STAT5B: variants seen among roughly 807,000 people sequenced by gnomAD.
The protein encoded by STAT5B is signal transducer and activator of transcription 5B.
Under a neutral mutation model 107.8 loss-of-function variants are expected in STAT5B, and 21 were observed. The ratio of observed to expected loss-of-function variants is 0.19; its 90% CI spans 0.14 to 0.28. The LOEUF is 0.28. Among genes scored for constraint, STAT5B ranks in the 10% least tolerant of loss-of-function variants. The probability of loss-of-function intolerance (pLI) is 1.00; values close to 1 mark genes in which losing one functional copy is unlikely to be tolerated. For synonymous variants in STAT5B, 325 were observed against 401.7 expected (o/e 0.81, Z 2.28); for missense variants, 565 against 1,008.2 (o/e 0.56, Z 5.95).
At chr17:42,241,494 G>A (rs906446566) in intron 1 of STAT5B, among the ~76,000 whole-genome samples, 16 of 150,918 alleles carry the variant, frequency 1.1e-4, no homozygotes, top group African/African-American at 3.7e-4. Context: ...CCAGGCTGGA[G>A]TGCAGTGGCA....
chr17:42,200,821 G>C lies in STAT5B; in HGVS notation c.*917C>G, dbSNP rs1332772876. On this transcript the variant is annotated 3_prime_UTR_variant, in exon 19 of 19. Coordinates refer to ENST00000293328, the MANE Select transcript of STAT5B (RefSeq NM_012448.4). ...AAGGCCACGGACTGTGCATCCGCTG[G>C]CTCAGAGAAAGGCTGGGCAGCCGGA... is the stretch of plus-strand genomic sequence containing the variant. 1 of 371,008 alleles carries C rather than the reference G, an allele frequency of 2.7e-6. No homozygotes were observed. The highest frequency in any genetic ancestry group is 4.8e-6 in the Non-Finnish European group (1 of 209,046). The allele number at this position is 371,008 out of a possible 1,614,324, so 23.0% of individuals were successfully genotyped here.
intron 16 of STAT5B, among the ~76,000 whole-genome samples, chr17:42,207,114 C>T (rs1270915320): frequency 6.6e-6 from 1 of 152,026 alleles, no homozygotes; most frequent in African/African-American, 2.4e-5. Context: ...CTCAAATGAT[C>T]CGCCTGCCTT....
Position 42,207,673 on chromosome 17 carries a change from C to A in STAT5B, c.1962G>T (p.Arg654=), listed in dbSNP as rs1432083758. The A allele has an allele frequency of 6.2e-7, 1 of 1,614,090 alleles. No individual in the cohort carries two copies. The highest frequency in any genetic ancestry group is 2.2e-5 in the East Asian group (1 of 44,880). The change falls in exon 16 of 19, where the codon CGG becomes CGT. Residue 654 remains arginine, a synonymous_variant. Transcript: ENST00000293328. ...MPFTTRDFSI[R]SLADRLGDLN... ...AGTCTCCCAAGCGGTCGGCTAGGGACCGAATGGAGAAGTCTCTGGTGGTAA... is the reference window on the plus strand; with the variant it reads ...AGTCTCCCAAGCGGTCGGCTAGGGAACGAATGGAGAAGTCTCTGGTGGTAA...
intron 2 of STAT5B, among the ~76,000 whole-genome samples, chr17:42,229,461 C>T (rs986008406): frequency 1.3e-5 from 2 of 151,588 alleles, no homozygotes; most frequent in African/African-American, 4.8e-5. Flanking sequence ...GGAGCCCACT[C>T]TTAAAAGGAT....
Position 42,201,189 on chromosome 17 carries a change from G to A in STAT5B, c.*549C>T, listed in dbSNP as rs535021090. 8 of 415,006 alleles carry A rather than the reference G, an allele frequency of 1.9e-5. No individual in the cohort carries two copies. The highest frequency in any genetic ancestry group is 9.9e-5 in the South Asian group (1 of 10,110). The allele number at this position is 415,006 out of a possible 1,614,324, so 25.7% of individuals were successfully genotyped here. A position where few individuals can be genotyped will look rare whatever the true frequency, so the allele number is the denominator to read the frequency against. ...CATTCCTACCCAAGAACACAGGGGT[G>A]GGGGAGAGGGAAGGCTCTCTTTGTC... On this transcript the variant is annotated 3_prime_UTR_variant, in exon 19 of 19. Coordinates refer to ENST00000293328, the MANE Select transcript of STAT5B (RefSeq NM_012448.4).
Position 42,218,165 on chromosome 17 carries a change from G to C in STAT5B, c.1155C>G (p.Asn385Lys). The change falls in exon 9 of 19, where the codon AAC becomes AAG. Residue 385 changes from asparagine to lysine, a missense_variant. Asn to Lys is a moderately conservative substitution (Grantham distance 94). Coordinates refer to ENST00000293328, the MANE Select transcript of STAT5B (RefSeq NM_012448.4). ...SEQQAKSLLK[N>K]ENTRNDYSGE... ...TGCACAATTACTTGCGGGTGTTCTCGTTCTTGAGCAGAGACTTGGCCTGCT... is the reference window on the plus strand; with the variant it reads ...TGCACAATTACTTGCGGGTGTTCTCCTTCTTGAGCAGAGACTTGGCCTGCT... 6.2e-7 allele frequency: 1 copy of C among 1,614,120 alleles called. No individual in the cohort carries two copies. The highest frequency in any genetic ancestry group is 8.5e-7 in the Non-Finnish European group (1 of 1,180,012).
chr17:42,207,632 T>C lies in STAT5B; in HGVS notation c.2003A>G (p.Tyr668Cys). ...DRLGDLNYLI[Y>C]VFPDRPKDEV... The stretch of plus-strand genomic sequence containing the variant: ...ATCTTTTGGCCGATCAGGAAACACG[T>C]AGATAAGGTAATTCAAGTCTCCCAA... The change falls in exon 16 of 19, where the codon TAC becomes TGC. Residue 668 changes from tyrosine to cysteine, a missense_variant. This residue lies in a region of STAT5B where 38 missense variants were observed against 79.5 expected (regional missense o/e 0.48). Coordinates refer to ENST00000293328, the MANE Select transcript of STAT5B (RefSeq NM_012448.4). The C allele has an allele frequency of 6.2e-7, 1 of 1,613,994 alleles. No homozygotes were observed. Among genetic ancestry groups the C allele is most frequent in the Non-Finnish European group, 8.5e-7 (1 of 1,180,004 alleles).
At chr17:42,277,719 T>C (rs2045911486), upstream of STAT5B, among the ~76,000 whole-genome samples, 1 of 152,186 alleles carries the variant, frequency 6.6e-6, no homozygotes, top group Non-Finnish European at 1.5e-5. Context: ...AGGTGCTCCA[T>C]GTTCTCCATA....
chr17:42,217,552 T>C, intron 9 of STAT5B, 88 bp from the exon 10 acceptor site: 2 of 1,472,772 alleles, frequency 1.4e-6, no homozygotes, highest in Non-Finnish European at 1.9e-6. Context: ...TAGCAGGAAA[T>C]AGAGAAGTTT....
chr17:42,217,138 C>T (rs766907432), intron 11 of STAT5B, 22 bp downstream of exon 11: 2 of 1,604,840 alleles, frequency 1.2e-6, no homozygotes, highest in Non-Finnish European at 1.7e-6. Context: ...CACGCACACG[C>T]AGAGCTGAGG....
intron 14 of STAT5B, 47 bp downstream of exon 14, chr17:42,210,356 G>A (rs1456178244): frequency 1.9e-6 from 3 of 1,614,196 alleles, no homozygotes; most frequent in South Asian, 1.1e-5. Context: ...ATGCCAGAGA[G>A]AAGACCTTCA....
chr17:42,225,660 CTATAGATTGCT>C (rs1371117707), intron 3 of STAT5B, among the ~76,000 whole-genome samples: 1 of 152,210 alleles, frequency 6.6e-6, no homozygotes, highest in Non-Finnish European at 1.5e-5. Flanking sequence ...TTTAAACCAC[CTATAGATTGCT>C]TATACTATCT....
chr17:42,262,819 T>C (rs1372805830), intron 1 of STAT5B, among the ~76,000 whole-genome samples: 1 of 130,946 alleles, frequency 7.6e-6, no homozygotes, highest in Admixed American at 7.6e-5. Context: ...TACACACATA[T>C]ATATGTGTAT....
chr17:42,267,686 C>G lies in STAT5B; in HGVS notation c.-11+8562G>C, dbSNP rs149777749. On this transcript the variant is annotated intron_variant, in intron 1 of 18. Coordinates refer to ENST00000293328, the MANE Select transcript of STAT5B (RefSeq NM_012448.4). The stretch of plus-strand genomic sequence containing the variant: ...AAAAAAGTAAACAGTTGGCCGGGCA[C>G]GGCGGCTCACACCTATAATCCGAGC... 3.9e-3 allele frequency among the ~76,000 whole-genome samples: 593 copies of G among 152,242 alleles called. 6 individuals are homozygous for G. The highest frequency in any genetic ancestry group is 0.014 in the African/African-American group (580 of 41,538).
chr17:42,267,829 C>T (rs998421878), intron 1 of STAT5B, among the ~76,000 whole-genome samples: 11 of 151,812 alleles, frequency 7.2e-5, no homozygotes, highest in African/African-American at 2.4e-4. Flanking sequence ...CGTGGTGGCA[C>T]ACGCCTGTAA....
At chr17:42,243,810 T>C (rs1240441091) in intron 1 of STAT5B, among the ~76,000 whole-genome samples, 2 of 152,214 alleles carry the variant, frequency 1.3e-5, no homozygotes, top group Admixed American at 6.5e-5. Context: ...TTAGGCGTTG[T>C]GCTGCAGCTT....
chr17:42,213,833 G>A (rs961496262), intron 12 of STAT5B, among the ~76,000 whole-genome samples: 1 of 148,018 alleles, frequency 6.8e-6, no homozygotes, highest in South Asian at 2.2e-4. Context: ...CCAGCTGAAA[G>A]TCTTTTTTTT....
Position 42,202,665 on chromosome 17 carries a change from A to G in STAT5B, c.2129+92T>C, listed in dbSNP as rs545119307. Reference sequence around the variant, plus strand: ...AGGGCTGAGACAGTTTCCCCGGGGGAGCGGAAAGCTGGGCCAGGATAAGGA... The same window carrying G: ...AGGGCTGAGACAGTTTCCCCGGGGGGGCGGAAAGCTGGGCCAGGATAAGGA... On this transcript the variant is annotated intron_variant, in intron 17 of 18. Transcript: ENST00000293328. 7.4e-5 allele frequency: 119 copies of G among 1,599,762 alleles called. No individual in the cohort carries two copies. The African/African-American group carries it at 1.5e-3, about 21-fold the overall frequency.
chr17:42,258,803 G>C (rs928704267), intron 1 of STAT5B, among the ~76,000 whole-genome samples: 1 of 152,216 alleles, frequency 6.6e-6, no homozygotes, highest in African/African-American at 2.4e-5. Flanking sequence ...ACACAGTGGT[G>C]TTACCAGTCA....
Sources: allele counts gnomAD v4.1 joint callset (sites outside exome capture counted in the v4.1 genomes callset), GRCh38; gene constraint gnomAD v4.1.1; regional missense constraint gnomAD v4.1.1; transcripts MANE v1.5; gene names NCBI Gene and HGNC (gene_info 2026-07-23, HGNC 2026-07-21).